The following MBTD1 variants were observed in gnomAD, a reference collection of about 807,000 sequenced individuals.
MBTD1 encodes mbt domain containing 1, also known as MBT domain-containing protein 1.
Under a neutral mutation model 87.8 loss-of-function variants are expected in MBTD1, and 24 were observed. The observed-to-expected ratio is 0.27, with a 90% CI of 0.20 to 0.38. MBTD1 has a LOEUF of 0.38. Ranked by LOEUF, MBTD1 falls within the 10% of genes least tolerant of loss-of-function variation. MBTD1 has a pLI of 1.00. For missense variants in MBTD1, 436 were observed against 760.2 expected, an observed-to-expected ratio of 0.57 and a Z score of 5.02; for synonymous variants, 237 against 248.6, an observed-to-expected ratio of 0.95 and a Z score of 0.44.
At chr17:51,209,787 A>G (rs2052062470) in intron 6 of MBTD1, among the ~76,000 whole-genome samples, 1 of 152,194 alleles carries the variant, frequency 6.6e-6, no homozygotes, top group Non-Finnish European at 1.5e-5. Context: ...AATTTATCCC[A>G]ATGAGATGGC....
In MBTD1 at chr17:51,179,351, C is replaced by T. The variant is rs2050192701; in HGVS notation, c.*1225G>A. The T allele has an allele frequency of 6.7e-6, 1 of 148,966 alleles. No individual in the cohort carries two copies. Among genetic ancestry groups the T allele is most frequent in the Admixed American group, 6.7e-5 (1 of 14,880 alleles). The allele number at this position is 148,966 out of a possible 1,614,324, so 9.2% of individuals were successfully genotyped here. ...AAGTTAGAAAATGCAGAGAGCAAAC[C>T]TTTCACCAGTTTACCCTTGTATCCT... is the stretch of plus-strand genomic sequence containing the variant. On this transcript the variant is annotated 3_prime_UTR_variant, in exon 17 of 17. Transcript: ENST00000586178.
chr17:51,259,463 G>C lies in MBTD1; in HGVS notation c.-112-257C>G, dbSNP rs916963118. Among the ~76,000 whole-genome samples, 3 of 152,128 alleles carry C rather than the reference G, an allele frequency of 2.0e-5. No homozygotes were observed. In the East Asian group the frequency reaches 5.8e-4, roughly 29 times the overall value. On this transcript the variant is annotated intron_variant, in intron 1 of 16. Coordinates refer to ENST00000586178, the MANE Select transcript of MBTD1 (RefSeq NM_017643.3). ...CTGTGCTCCCCCTCCCCGCCAAGAA[G>C]AGAGGACTACTCCACTCTCCCACCC...
intron 2 of MBTD1, among the ~76,000 whole-genome samples, chr17:51,247,471 C>T (rs570495959): frequency 6.5e-4 from 89 of 136,458 alleles, no homozygotes; most frequent in Admixed American, 3.8e-4. Flanking sequence ...TTTGGAGACA[C>T]GGTCTTGCTC....
intron 2 of MBTD1, among the ~76,000 whole-genome samples, chr17:51,231,408 A>G (rs2053543185): frequency 6.6e-6 from 1 of 151,348 alleles, no homozygotes; most frequent in South Asian, 2.1e-4. Context: ...ATGACTACAG[A>G]TATTTTGTTT....
At chr17:51,231,847 A>T (rs2053567819) in intron 2 of MBTD1, among the ~76,000 whole-genome samples, 1 of 151,780 alleles carries the variant, frequency 6.6e-6, no homozygotes, top group Non-Finnish European at 1.5e-5. Context: ...CAAACACTAC[A>T]GTGACTTATC....
intron 2 of MBTD1, among the ~76,000 whole-genome samples, chr17:51,230,951 G>T (rs925906741): frequency 2.6e-4 from 39 of 151,744 alleles, no homozygotes; most frequent in Non-Finnish European, 4.4e-4. Flanking sequence ...AGTTTTTTTT[G>T]TTTTTTGAGA....
intron 6 of MBTD1, among the ~76,000 whole-genome samples, chr17:51,210,717 C>A (rs1006765760): frequency 2.0e-5 from 3 of 151,588 alleles, no homozygotes. Context: ...GATTGTGCTA[C>A]TGCACTCCAG....
Position 51,259,995 on chromosome 17 carries a change from C to A in MBTD1, c.-273G>T. 2 of 628,998 alleles carry A rather than the reference C, an allele frequency of 3.2e-6. No homozygotes were observed. Among genetic ancestry groups the A allele is most frequent in the Non-Finnish European group, 4.6e-6 (2 of 437,690 alleles). The allele number at this position is 628,998 out of a possible 1,614,324, so 39.0% of individuals were successfully genotyped here. A position where few individuals can be genotyped will look rare whatever the true frequency, so the allele number is the denominator to read the frequency against. ...GGGCCCAGACCGGTGGCGGGTGCAG[C>A]AGCCCCCGGATTTCCCCCCTTTAAC... On this transcript the variant is annotated 5_prime_UTR_variant, in exon 1 of 17. Coordinates refer to ENST00000586178, the MANE Select transcript of MBTD1 (RefSeq NM_017643.3).
At chr17:51,191,862 T>C (rs1265697758) in intron 16 of MBTD1, 1 of 237,864 alleles carries the variant, frequency 4.2e-6, no homozygotes, top group Non-Finnish European at 8.2e-6. Context: ...ATTACAGGCG[T>C]GAGCCACTGC....
At chr17:51,239,463 T>G (rs879669580) in intron 2 of MBTD1, among the ~76,000 whole-genome samples, 1 of 152,198 alleles carries the variant, frequency 6.6e-6, no homozygotes, top group African/African-American at 2.4e-5. Flanking sequence ...TGACCAATGA[T>G]TAACATTTTC....
chr17:51,255,508 G>A (rs894398021), intron 2 of MBTD1, among the ~76,000 whole-genome samples: 1 of 152,106 alleles, frequency 6.6e-6, no homozygotes, highest in African/African-American at 2.4e-5. Flanking sequence ...GATACACAAG[G>A]GGGCTACTTC....
intron 16 of MBTD1, among the ~76,000 whole-genome samples, chr17:51,189,098 T>C (rs2050683589): frequency 6.6e-6 from 1 of 152,204 alleles, no homozygotes; most frequent in Admixed American, 6.5e-5. Context: ...AACAAAGCCG[T>C]ACCTCACTTG....
chr17:51,230,425 C>T (rs1598392362), intron 2 of MBTD1, among the ~76,000 whole-genome samples: 2 of 150,142 alleles, frequency 1.3e-5, no homozygotes, highest in Non-Finnish European at 1.5e-5. Flanking sequence ...GTAACCAAGG[C>T]TAAAGACAGA....
At chr17:51,236,159 C>T (rs564501033) in intron 2 of MBTD1, among the ~76,000 whole-genome samples, 28 of 152,094 alleles carry the variant, frequency 1.8e-4, no homozygotes, top group African/African-American at 6.5e-4. Context: ...CTATATATAT[C>T]TATAGATTCA....
chr17:51,184,851 C>T (rs1295820155), intron 16 of MBTD1: 2 of 152,256 alleles, frequency 1.3e-5, no homozygotes, highest in South Asian at 2.1e-4. Context: ...GAAACAGGAA[C>T]GCTCTTTAGA....
At chr17:51,203,672 C>T (rs2143142991) in intron 8 of MBTD1, 119 bp downstream of exon 8, 1 of 1,076,106 alleles carries the variant, frequency 9.3e-7, no homozygotes, top group Non-Finnish European at 1.4e-6. Context: ...GCTGGGATTA[C>T]AGGTGTGAGC....
intron 3 of MBTD1, among the ~76,000 whole-genome samples, chr17:51,221,491 CAT>C (rs1217902400): frequency 6.6e-6 from 1 of 152,130 alleles, no homozygotes; most frequent in East Asian, 1.9e-4. Flanking sequence ...CAAAAAGTAA[CAT>C]AGCAAATAAC....
At chr17:51,218,515 C>A (rs2052703020) in intron 5 of MBTD1, among the ~76,000 whole-genome samples, 2 of 118,992 alleles carry the variant, frequency 1.7e-5, no homozygotes, top group Non-Finnish European at 3.3e-5. Flanking sequence ...AGTGACAGAG[C>A]AAGACTCTGT....
At chr17:51,209,541 G>C (rs1354905235) in intron 6 of MBTD1, 1 of 466,328 alleles carries the variant, frequency 2.1e-6, no homozygotes, top group Non-Finnish European at 4.4e-6. Flanking sequence ...AAAATAAGTG[G>C]GTGGGAAGTC....
Sources: gnomAD v4.1 joint callset for allele counts (sites outside exome capture counted in the v4.1 genomes callset) on GRCh38, gnomAD v4.1.1 for gene constraint, MANE v1.5 for transcripts, NCBI Gene and HGNC (gene_info 2026-07-23, HGNC 2026-07-21) for gene names.